Variants in GSTCD observed in about 807,000 individuals in gnomAD.
The protein encoded by GSTCD is glutathione S-transferase C-terminal domain-containing protein.
GSTCD carries 44 observed loss-of-function variants against 68.3 expected under a neutral mutation model. That is an observed-to-expected ratio of 0.64 (90% confidence interval 0.51 to 0.83). GSTCD has a LOEUF of 0.83. Ranked by LOEUF, GSTCD falls within the 40% of genes least tolerant of loss-of-function variation. The pLI is 0.00. For synonymous variants in GSTCD, 273 were observed against 255.2 expected, an observed-to-expected ratio of 1.07 and a Z score of -0.67; for missense variants, 739 against 735.9, an observed-to-expected ratio of 1.00 and a Z score of -0.05.
intron 5 of GSTCD, among the ~76,000 whole-genome samples, chr4:105,770,214 G>A (rs979241354): frequency 3.3e-5 from 5 of 152,146 alleles, no homozygotes; most frequent in African/African-American, 4.8e-5. Context: ...AGTTCAGCAC[G>A]TTTATAGCTG....
At chr4:105,820,155 C>A (rs185365262) in intron 5 of GSTCD, among the ~76,000 whole-genome samples, 1 of 151,128 alleles carries the variant, frequency 6.6e-6, no homozygotes, top group African/African-American at 2.4e-5. Context: ...TTATTTGATG[C>A]TTTGGATGAA....
At chr4:105,747,342 G>C (rs949730342) in intron 5 of GSTCD, among the ~76,000 whole-genome samples, 3 of 152,206 alleles carry the variant, frequency 2.0e-5, no homozygotes, top group African/African-American at 4.8e-5. Context: ...CATTTGGAAG[G>C]CTTGTTAAAT....
chr4:105,755,056 C>CAAAAA (rs70941214), intron 5 of GSTCD, among the ~76,000 whole-genome samples: 2 of 50,986 alleles, frequency 3.9e-5, no homozygotes, highest in African/African-American at 7.9e-5. Flanking sequence ...CTCATTTCTC[C>CAAAAA]AAAAAAAAAA....
At chr4:105,755,103 G>A (rs1407338197) in intron 5 of GSTCD, among the ~76,000 whole-genome samples, 2 of 140,994 alleles carry the variant, frequency 1.4e-5, no homozygotes, top group East Asian at 2.1e-4. Flanking sequence ...AAAAAAATTA[G>A]CTGGTGTGGT....
intron 5 of GSTCD, among the ~76,000 whole-genome samples, chr4:105,752,998 A>G (rs1734057809): frequency 6.6e-6 from 1 of 152,174 alleles, no homozygotes; most frequent in Admixed American, 6.5e-5. Context: ...TCCCAGTTCC[A>G]CTATATTTCT....
At chr4:105,739,195 A>C (rs560650276) in intron 5 of GSTCD, among the ~76,000 whole-genome samples, 1 of 152,202 alleles carries the variant, frequency 6.6e-6, no homozygotes, top group Non-Finnish European at 1.5e-5. Flanking sequence ...CCACTTGATC[A>C]TGGTAATGAG....
intron 5 of GSTCD, among the ~76,000 whole-genome samples, chr4:105,733,800 G>T (rs1733346087): frequency 6.6e-6 from 1 of 152,172 alleles, no homozygotes; most frequent in Non-Finnish European, 1.5e-5. Context: ...TTTACAATTT[G>T]GCATGTTTTT....
At position 105,717,984 on chromosome 4, in the gene GSTCD, A is replaced by G; in HGVS notation, c.371A>G (p.Lys124Arg). 6.2e-7 allele frequency: 1 copy of G among 1,612,966 alleles called. No individual in the cohort carries two copies. Among genetic ancestry groups the G allele is most frequent in the Non-Finnish European group, 8.5e-7 (1 of 1,179,610 alleles). ...TCCTATGAAGCAGACCCCTTAAAGA[A>G]GGAACTTTTGGAACTTCTGGGCTTT... ...QKSYEADPLK[K>R]ELLELLGFKK... Residue 124 changes from lysine (K) to arginine (R), a missense_variant, in exon 2 of 12, where the codon AAG (lysine) becomes AGG (arginine). Physicochemically the swap from Lys to Arg is conservative, Grantham distance 26. Coordinates refer to ENST00000515279, the MANE Select transcript of GSTCD (RefSeq NM_001370181.1).
At chr4:105,754,260 G>A (rs1734105864) in intron 5 of GSTCD, among the ~76,000 whole-genome samples, 1 of 152,074 alleles carries the variant, frequency 6.6e-6, no homozygotes, top group South Asian at 2.1e-4. Flanking sequence ...TAATAGCTAT[G>A]CAATAACAAT....
intron 5 of GSTCD, among the ~76,000 whole-genome samples, chr4:105,767,545 A>G (rs950240435): frequency 1.3e-5 from 2 of 152,186 alleles, no homozygotes; most frequent in African/African-American, 4.8e-5. Flanking sequence ...TTTTTCACAA[A>G]TTTATTGACA....
intron 7 of GSTCD, among the ~76,000 whole-genome samples, chr4:105,824,777 T>G (rs1014498915): frequency 5.3e-5 from 8 of 152,142 alleles, no homozygotes; most frequent in African/African-American, 1.9e-4. Flanking sequence ...CTTTACACCC[T>G]GTCCCCCCAT....
chr4:105,729,770 T>C (rs1733167301), intron 5 of GSTCD, among the ~76,000 whole-genome samples: 1 of 152,208 alleles, frequency 6.6e-6, no homozygotes, highest in African/African-American at 2.4e-5. Context: ...TTACTTTAAG[T>C]TCTAAGGTAC....
chr4:105,837,381 G>T (rs1724166549), intron 9 of GSTCD, among the ~76,000 whole-genome samples: 1 of 152,122 alleles, frequency 6.6e-6, no homozygotes, highest in African/African-American at 2.4e-5. Flanking sequence ...CCACTCCCAA[G>T]CCTGCTTACC....
intron 5 of GSTCD, among the ~76,000 whole-genome samples, chr4:105,732,161 T>G (rs1012877724): frequency 6.6e-6 from 1 of 152,174 alleles, no homozygotes; most frequent in Non-Finnish European, 1.5e-5. Context: ...TCTTTTTTTG[T>G]TGTGTTTCTG....
intron 5 of GSTCD, among the ~76,000 whole-genome samples, chr4:105,796,911 A>G (rs1735909996): frequency 6.6e-6 from 1 of 152,192 alleles, no homozygotes; most frequent in Non-Finnish European, 1.5e-5. Context: ...TGTATAGAGG[A>G]TCGGCTTCCA....
At chr4:105,834,372 A>C in intron 8 of GSTCD, 89 bp from the exon 9 acceptor site, 198 of 1,128,634 alleles carry the variant, frequency 1.8e-4, no homozygotes, top group Non-Finnish European at 2.3e-4. Context: ...GTCCTTTGGT[A>C]TGGCCAAATG....
At chr4:105,735,312 G>A (rs543379069) in intron 5 of GSTCD, among the ~76,000 whole-genome samples, 265 of 152,334 alleles carry the variant, frequency 1.7e-3, no homozygotes, top group African/African-American at 6.1e-3. Context: ...TTGAGCTGCA[G>A]TGGGCTCCAC....
chr4:105,717,959 T>A lies in GSTCD; in HGVS notation c.346T>A (p.Ser116Thr), dbSNP rs777564420. 2 of 1,614,018 alleles carry A rather than the reference T, an allele frequency of 1.2e-6. No individual in the cohort carries two copies. The highest frequency in any genetic ancestry group is 1.7e-6 in the Non-Finnish European group (2 of 1,179,978). The change falls in exon 2 of 12, where the codon TCC (serine) becomes ACC (threonine). Residue 116 changes from serine to threonine, a missense_variant. Transcript: ENST00000515279. ...AVVLRHIIQK[S>T]YEADPLKKEL... ...TGTATTGAGACACATAATCCAGAAA[T>A]CCTATGAAGCAGACCCCTTAAAGAA...
chr4:105,839,500 T>A (rs1033165867), intron 10 of GSTCD, among the ~76,000 whole-genome samples: 26 of 152,210 alleles, frequency 1.7e-4, no homozygotes, highest in African/African-American at 6.3e-4. Context: ...CTGGGTGTGG[T>A]GACACACACC....
Sources: gnomAD v4.1 joint callset for allele counts (sites outside exome capture counted in the v4.1 genomes callset) on GRCh38, gnomAD v4.1.1 for gene constraint, MANE v1.5 for transcripts, NCBI Gene and HGNC (gene_info 2026-07-23, HGNC 2026-07-21) for gene names.